SEZ6L: variants seen among roughly 807,000 people sequenced by gnomAD.
SEZ6L encodes seizure related 6 homolog like, also known as seizure 6-like protein.
SEZ6L carries 37 observed loss-of-function variants against 106.2 expected under a neutral mutation model. The ratio of observed to expected loss-of-function variants is 0.35; its 90% CI spans 0.27 to 0.46. The LOEUF is 0.46. Ranked by LOEUF, SEZ6L falls within the 20% of genes least tolerant of loss-of-function variation. The pLI is 1.00. For missense variants in SEZ6L, 1,172 were observed against 1,332.8 expected (o/e 0.88, Z 1.88); for synonymous variants, 541 against 570.4 (o/e 0.95, Z 0.73).
intron 1 of SEZ6L, among the ~76,000 whole-genome samples, chr22:26,237,419 C>T (rs2078987541): frequency 6.6e-6 from 1 of 152,190 alleles, no homozygotes; most frequent in African/African-American, 2.4e-5. Context: ...AGAGTGGAAG[C>T]CAGAGCCACT....
At chr22:26,340,345 A>T (rs571411519) in intron 9 of SEZ6L, 91 bp from the exon 10 acceptor site, 1 of 1,293,424 alleles carries the variant, frequency 7.7e-7, no homozygotes, top group East Asian at 2.3e-5. Context: ...CACACTTAAC[A>T]AATTTTGTAT....
chr22:26,341,963 G>T (rs980351221), intron 10 of SEZ6L, among the ~76,000 whole-genome samples: 1 of 152,160 alleles, frequency 6.6e-6, no homozygotes, highest in Non-Finnish European at 1.5e-5. Flanking sequence ...AGAGGAACTG[G>T]TCCAGCCCTG....
intron 16 of SEZ6L, 78 bp from the exon 17 acceptor site, chr22:26,380,188 T>G: frequency 7.3e-7 from 1 of 1,371,940 alleles, no homozygotes; most frequent in Non-Finnish European, 1.0e-6. Context: ...CATACAGAGG[T>G]GCAAAGAACT....
At position 26,182,190 on chromosome 22, in the gene SEZ6L, A is replaced by G. The variant is rs996017918; in HGVS notation, c.94+12427A>G. On this transcript the variant is annotated intron_variant, in intron 1 of 16. Transcript: ENST00000248933. ...TTATTGTTCTTAATTAGTATGCAAG[A>G]AATGATTCTTATTAGCATGCATATG... Among the ~76,000 whole-genome samples the G allele has an allele frequency of 1.3e-4, 20 of 152,344 alleles. No individual in the cohort carries two copies. The South Asian group carries it at 2.7e-3, about 21-fold the overall frequency.
At chr22:26,280,129 A>G (rs1171969947) in intron 1 of SEZ6L, among the ~76,000 whole-genome samples, 1 of 152,184 alleles carries the variant, frequency 6.6e-6, no homozygotes, top group Non-Finnish European at 1.5e-5. Flanking sequence ...GCTGGGATGC[A>G]CACCCGCCTA....
intron 9 of SEZ6L, among the ~76,000 whole-genome samples, chr22:26,334,135 C>A (rs1049900101): frequency 2.3e-4 from 35 of 151,988 alleles, no homozygotes; most frequent in Non-Finnish European, 1.3e-4. Flanking sequence ...ATACAACATA[C>A]AATTAGTCAT....
At chr22:26,260,567 A>G (rs536093436) in intron 1 of SEZ6L, among the ~76,000 whole-genome samples, 3 of 152,296 alleles carry the variant, frequency 2.0e-5, no homozygotes, top group East Asian at 3.9e-4. Context: ...TATATTACAT[A>G]TAGGCATAGA....
chr22:26,380,068 A>C (rs2084364500), intron 16 of SEZ6L, among the ~76,000 whole-genome samples, 198 bp from the exon 17 acceptor site: 1 of 152,218 alleles, frequency 6.6e-6, no homozygotes, highest in Non-Finnish European at 1.5e-5. Flanking sequence ...GCAGAAACAC[A>C]CAAGCATGTT....
In SEZ6L at chr22:26,377,061, C is replaced by T. The variant is rs1041955617; in HGVS notation, c.2943-612C>T. Reference sequence around the variant, plus strand: ...TTGGGAGGCCAAGGCTGGAGGATCGCGTGAGCCCAGGAGTTTGAGACCAGC... The same window carrying T: ...TTGGGAGGCCAAGGCTGGAGGATCGTGTGAGCCCAGGAGTTTGAGACCAGC... On this transcript the variant is annotated intron_variant, in intron 15 of 16. Coordinates refer to ENST00000248933, the MANE Select transcript of SEZ6L (RefSeq NM_021115.5). Among the ~76,000 whole-genome samples the T allele has an allele frequency of 3.9e-5, 6 of 152,104 alleles. No individual in the cohort carries two copies. The South Asian group carries it at 8.3e-4, about 21-fold the overall frequency.
chr22:26,315,286 T>C (rs2081966043), intron 9 of SEZ6L, among the ~76,000 whole-genome samples: 1 of 151,646 alleles, frequency 6.6e-6, no homozygotes, highest in Non-Finnish European at 1.5e-5. Context: ...TTGAGACCAG[T>C]CCCAACAACA....
At chr22:26,251,414 A>G (rs745852045) in intron 1 of SEZ6L, among the ~76,000 whole-genome samples, 2 of 151,382 alleles carry the variant, frequency 1.3e-5, no homozygotes, top group African/African-American at 2.4e-5. Context: ...AAATAATCAT[A>G]TGGTTTTTGT....
intron 1 of SEZ6L, among the ~76,000 whole-genome samples, chr22:26,226,177 T>C (rs565855052): frequency 4.8e-4 from 73 of 152,332 alleles, no homozygotes; most frequent in African/African-American, 1.7e-3. Flanking sequence ...ATCCTTCACA[T>C]TGCTTGCCAT....
intron 9 of SEZ6L, among the ~76,000 whole-genome samples, chr22:26,319,284 G>A (rs796358692): frequency 2.6e-4 from 39 of 152,272 alleles, no homozygotes; most frequent in African/African-American, 7.5e-4. Flanking sequence ...TTATTGCAAC[G>A]GCCTTTGAGA....
chr22:26,295,637 C>T (rs1014956333), intron 3 of SEZ6L, among the ~76,000 whole-genome samples: 7 of 152,124 alleles, frequency 4.6e-5, no homozygotes, highest in East Asian at 3.9e-4. Flanking sequence ...CCCTTTCCTC[C>T]ATGTCATGAA....
intron 1 of SEZ6L, among the ~76,000 whole-genome samples, chr22:26,264,586 G>A (rs1211299933): frequency 6.6e-6 from 1 of 152,056 alleles, no homozygotes; most frequent in Non-Finnish European, 1.5e-5. Context: ...CATTTGCCAG[G>A]GCTGGCAAAC....
At chr22:26,226,859 C>G (rs2078649245) in intron 1 of SEZ6L, among the ~76,000 whole-genome samples, 1 of 152,200 alleles carries the variant, frequency 6.6e-6, no homozygotes, top group South Asian at 2.1e-4. Flanking sequence ...CCCTTTGTTC[C>G]TCTCTGAAAT....
chr22:26,170,294 A>T (rs1045958725), intron 1 of SEZ6L, among the ~76,000 whole-genome samples: 1 of 151,848 alleles, frequency 6.6e-6, no homozygotes, highest in Admixed American at 6.6e-5. Context: ...TCCTGGATCG[A>T]TCTCAGCCAA....
chr22:26,185,038 C>T (rs1036636741), intron 1 of SEZ6L, among the ~76,000 whole-genome samples: 3 of 152,178 alleles, frequency 2.0e-5, no homozygotes, highest in East Asian at 1.9e-4. Context: ...GAGCTGAGAT[C>T]GCTCCACTGC....
At chr22:26,232,348 A>T (rs1435667348) in intron 1 of SEZ6L, among the ~76,000 whole-genome samples, 5 of 17,652 alleles carry the variant, frequency 2.8e-4, no homozygotes, top group Admixed American at 5.2e-4. Flanking sequence ...TCTGTCTTTC[A>T]CACACACACA....
Sources: gnomAD v4.1 joint callset for allele counts (sites outside exome capture counted in the v4.1 genomes callset) on GRCh38, gnomAD v4.1.1 for gene constraint, MANE v1.5 for transcripts, NCBI Gene and HGNC (gene_info 2026-07-23, HGNC 2026-07-21) for gene names.